EYS: variants seen among roughly 807,000 people sequenced by gnomAD.
EYS encodes protein eyes shut homolog.
A neutral mutation model predicts 282.1 loss-of-function variants in EYS; 250 were observed. That is an observed-to-expected ratio of 0.89 (90% CI 0.80 to 0.98). The LOEUF is 0.98. EYS is among the 50% of genes least tolerant of loss of function. The probability of loss-of-function intolerance (pLI) is 0.00; values close to 1 mark genes in which losing one functional copy is unlikely to be tolerated. For missense variants in EYS, 4,016 were observed against 3,709.0 expected (o/e 1.08, Z -2.15); for synonymous variants, 1,355 against 1,282.9 (o/e 1.06, Z -1.20).
At chr6:64,025,279 C>A (rs1411379473) in intron 33 of EYS, among the ~76,000 whole-genome samples, 1 of 152,146 alleles carries the variant, frequency 6.6e-6, no homozygotes, top group Non-Finnish European at 1.5e-5. Context: ...TTTTCCTGTA[C>A]TTCTGGGCTG....
chr6:64,475,362 TA>T (rs1776229437), intron 26 of EYS, among the ~76,000 whole-genome samples: 2 of 128,612 alleles, frequency 1.6e-5, no homozygotes. Flanking sequence ...CCATCCCGGC[TA>T]AAACGGTGAA....
chr6:64,552,617 G>A (rs1481806187), intron 26 of EYS, among the ~76,000 whole-genome samples: 3 of 152,058 alleles, frequency 2.0e-5, no homozygotes, highest in Non-Finnish European at 2.9e-5. Flanking sequence ...TTGCCAATTA[G>A]AAAATCTTTG....
At chr6:64,778,831 T>A (rs776407396) in intron 22 of EYS, among the ~76,000 whole-genome samples, 1 of 152,088 alleles carries the variant, frequency 6.6e-6, no homozygotes, top group Non-Finnish European at 1.5e-5. Context: ...CAAAATTACA[T>A]TATGTGCAAA....
chr6:64,022,839 T>A (rs1562156589), intron 33 of EYS, among the ~76,000 whole-genome samples: 3 of 152,246 alleles, frequency 2.0e-5, no homozygotes, highest in Non-Finnish European at 4.4e-5. Context: ...TTTCTTCTTT[T>A]TATAAAACCG....
At chr6:63,838,052 T>C (rs1368663615) in intron 36 of EYS, among the ~76,000 whole-genome samples, 1 of 152,140 alleles carries the variant, frequency 6.6e-6, no homozygotes, top group Non-Finnish European at 1.5e-5. Context: ...CTTTATCTAA[T>C]TTTTTAAATA....
At chr6:64,576,288 T>C (rs570779392) in intron 26 of EYS, among the ~76,000 whole-genome samples, 6 of 152,240 alleles carry the variant, frequency 3.9e-5, no homozygotes, top group Admixed American at 2.6e-4. Flanking sequence ...ACTTGTTCTT[T>C]GGAAGTAACT....
chr6:64,660,077 T>A (rs1175941180), intron 22 of EYS, among the ~76,000 whole-genome samples: 1 of 152,124 alleles, frequency 6.6e-6, no homozygotes, highest in Non-Finnish European at 1.5e-5. Flanking sequence ...CAAGGCTGGT[T>A]CAACATACAC....
chr6:64,271,964 C>T (rs769248262), intron 30 of EYS, among the ~76,000 whole-genome samples: 4 of 152,112 alleles, frequency 2.6e-5, no homozygotes, highest in East Asian at 1.9e-4. Flanking sequence ...CTCAGCCTCC[C>T]GAGTAGCTGG....
chr6:65,261,394 G>A (rs2150258376), intron 12 of EYS, among the ~76,000 whole-genome samples: 2 of 151,932 alleles, frequency 1.3e-5, no homozygotes, highest in Middle Eastern at 6.8e-3. Flanking sequence ...ATCCATATCT[G>A]TCTGGTGTGC....
At chr6:65,066,929 G>T (rs868763070) in intron 12 of EYS, among the ~76,000 whole-genome samples, 4 of 152,098 alleles carry the variant, frequency 2.6e-5, no homozygotes, top group Non-Finnish European at 4.4e-5. Flanking sequence ...GTAACATTTA[G>T]CATATAGAAT....
At position 65,521,403 on chromosome 6, in the gene EYS, G is replaced by C. The variant is rs546315239; in HGVS notation, c.-332-25410C>G. ...TGTTCTTATCCCACAAAATCATTGT[G>C]AGGACTAAATTATATAAATCATAAA... is the stretch of plus-strand genomic sequence containing the variant. On this transcript the variant is annotated intron_variant, in intron 2 of 42. Coordinates refer to ENST00000503581, the MANE Select transcript of EYS (RefSeq NM_001142800.2). Among the ~76,000 whole-genome samples the C allele has an allele frequency of 2.6e-5, 4 of 152,216 alleles. No individual in the cohort carries two copies. In the South Asian group the frequency reaches 6.2e-4, roughly 24 times the overall value.
intron 28 of EYS, among the ~76,000 whole-genome samples, chr6:64,399,437 T>C (rs1582703523): frequency 6.6e-6 from 1 of 151,820 alleles, no homozygotes; most frequent in African/African-American, 2.4e-5. Flanking sequence ...AATCCCATTA[T>C]TGTCTATTTA....
At chr6:65,162,792 T>G (rs1764880989) in intron 12 of EYS, among the ~76,000 whole-genome samples, 1 of 151,216 alleles carries the variant, frequency 6.6e-6, no homozygotes, top group African/African-American at 2.4e-5. Flanking sequence ...CATTTCTTTT[T>G]GAGGACAAGC....
chr6:64,219,719 C>T (rs562654277), intron 31 of EYS, among the ~76,000 whole-genome samples: 5 of 152,258 alleles, frequency 3.3e-5, no homozygotes, highest in East Asian at 3.9e-4. Context: ...TTTGAATGAT[C>T]GCCATTGCGC....
intron 22 of EYS, among the ~76,000 whole-genome samples, chr6:64,722,909 C>T (rs754291339): frequency 6.6e-6 from 1 of 151,958 alleles, no homozygotes; most frequent in Non-Finnish European, 1.5e-5. Flanking sequence ...GCTAGGCTTC[C>T]GTATTGTTAT....
rs984507734 is a variant in EYS, at chr6:65,495,204, T to A, written c.207A>T (p.Ser69=). ...AAATCTGGGGAACAGCTTGATTGCC[T>A]GAAGTATCTATTTTAGTGTTTACAC... ...FLGVNTKIDT[S]GNQAVPQICP... The change falls in exon 4 of 43, where the codon TCA becomes TCT. Residue 69 remains serine, a synonymous_variant. Transcript: ENST00000503581. The A allele has an allele frequency of 3.7e-6, 6 of 1,614,066 alleles. No homozygotes were observed. In the African/African-American group the frequency reaches 8.0e-5, roughly 22 times the overall value.
At chr6:63,951,045 C>T (rs1209906146) in intron 35 of EYS, among the ~76,000 whole-genome samples, 3 of 152,146 alleles carry the variant, frequency 2.0e-5, no homozygotes, top group South Asian at 2.1e-4. Flanking sequence ...CCCTTAGTGT[C>T]AAGCACCACT....
chr6:64,914,667 C>T (rs111747357), intron 15 of EYS, among the ~76,000 whole-genome samples: 3,128 of 151,984 alleles, frequency 0.021, 46 homozygotes, highest in Middle Eastern at 0.065. Context: ...AATTCTAAAT[C>T]GATATAGTTA....
chr6:64,890,537 G>A (rs913100565), intron 18 of EYS, among the ~76,000 whole-genome samples: 4 of 152,018 alleles, frequency 2.6e-5, no homozygotes, highest in Non-Finnish European at 5.9e-5. Flanking sequence ...AAGAACCTAC[G>A]TGAATATCAG....
Sources: gnomAD v4.1 joint callset for allele counts (sites outside exome capture counted in the v4.1 genomes callset) on GRCh38, gnomAD v4.1.1 for gene constraint, MANE v1.5 for transcripts, NCBI Gene and HGNC (gene_info 2026-07-23, HGNC 2026-07-21) for gene names.